PKD2L2: variants seen among roughly 807,000 people sequenced by gnomAD.
The protein encoded by PKD2L2 is polycystin-2-like protein 2.
A neutral mutation model predicts 83.9 loss-of-function variants in PKD2L2; 67 were observed. That is an observed-to-expected ratio of 0.80 (90% CI 0.66 to 0.98). The LOEUF (loss-of-function observed/expected upper bound fraction) is 0.98, where lower values mean the gene tolerates loss of function less well. Ranked by LOEUF, PKD2L2 falls within the 50% of genes least tolerant of loss-of-function variation. The probability of loss-of-function intolerance (pLI) is 0.00; values close to 1 mark genes in which losing one functional copy is unlikely to be tolerated. For synonymous variants in PKD2L2, 223 were observed against 237.8 expected (o/e 0.94, Z 0.57); for missense variants, 632 against 717.2 (o/e 0.88, Z 1.36).
chr5:137,938,816 T>C (rs370275680), intron 14 of PKD2L2: 4 of 152,690 alleles, frequency 2.6e-5, no homozygotes, highest in African/African-American at 9.6e-5. Context: ...CATTTTTATA[T>C]GGAATAAATT....
intron 10 of PKD2L2, among the ~76,000 whole-genome samples, chr5:137,924,130 T>C (rs927656467): frequency 6.6e-6 from 1 of 152,226 alleles, no homozygotes; most frequent in African/African-American, 2.4e-5. Flanking sequence ...CAGCCTTCAC[T>C]ATGGTAACAT....
chr5:137,926,736 C>A (rs1462719752), intron 12 of PKD2L2, among the ~76,000 whole-genome samples: 1 of 152,216 alleles, frequency 6.6e-6, no homozygotes, highest in Non-Finnish European at 1.5e-5. Flanking sequence ...GAAAGTACAG[C>A]TGCCTCTTGA....
In PKD2L2 at chr5:137,921,606, T is replaced by C. The variant is rs1240964153; in HGVS notation, c.1329-30T>C. The stretch of plus-strand genomic sequence containing the variant: ...GTTGTCATGTATGTACATAAAGGTA[T>C]ATATTTTCTACTGTTTTTCTTTCTT... On this transcript the variant is annotated intron_variant, in intron 8 of 14. Transcript: ENST00000508883. 5 of 1,416,988 alleles carry C rather than the reference T, an allele frequency of 3.5e-6. No homozygotes were observed. In the African/African-American group the frequency reaches 4.3e-5, roughly 12 times the overall value. 87.8% of individuals were successfully genotyped at this position (1,416,988 alleles called of 1,614,324 possible).
chr5:137,923,440 T>TAATGATAG lies in PKD2L2; in HGVS notation c.1477_1478insGAATGATA (p.Thr493ArgfsTer8). The TAATGATAG allele has an allele frequency of 6.7e-7, 1 of 1,496,846 alleles. No individual in the cohort carries two copies. The highest frequency in any genetic ancestry group is 9.3e-7 in the Non-Finnish European group (1 of 1,074,088). The allele number at this position is 1,496,846 out of a possible 1,614,324, so 92.7% of individuals were successfully genotyped here. ...CCTAGAATATGTTCTTGGCAATTAT[T>TAATGATAG]AATGATACCTATTCTGAAGTGAAAG... On this transcript the variant is annotated frameshift_variant, in exon 10 of 15. Coordinates refer to ENST00000508883, the MANE Select transcript of PKD2L2 (RefSeq NM_001300921.2). LOFTEE classifies it high-confidence loss of function.
chr5:137,937,337 G>A (rs909524068), intron 14 of PKD2L2, among the ~76,000 whole-genome samples: 4 of 152,138 alleles, frequency 2.6e-5, no homozygotes, highest in Non-Finnish European at 5.9e-5. Flanking sequence ...TGCATTTAAG[G>A]TTTCCCAAAA....
At chr5:137,934,645 T>TA (rs893659367) in intron 12 of PKD2L2, among the ~76,000 whole-genome samples, 34 of 151,158 alleles carry the variant, frequency 2.2e-4, no homozygotes, top group East Asian at 7.8e-4. Context: ...CCGTCTCTAC[T>TA]AAAAAAAAAT....
chr5:137,915,959 A>G (rs1007332286), intron 8 of PKD2L2, among the ~76,000 whole-genome samples: 1 of 148,622 alleles, frequency 6.7e-6, no homozygotes, highest in Non-Finnish European at 1.5e-5. Context: ...GTGATAATAA[A>G]CTCCTTCAGT....
Position 137,942,416 on chromosome 5 carries a change from A to G in PKD2L2, c.*50A>G. On this transcript the variant is annotated 3_prime_UTR_variant, in exon 15 of 15. Coordinates refer to ENST00000508883, the MANE Select transcript of PKD2L2 (RefSeq NM_001300921.2). ...GTCTCACTCTGTCGCCCAGGCTGGA[A>G]CAGCGGTGCGACAGTGGCCTCAACA... 4.3e-6 allele frequency: 1 copy of G among 230,862 alleles called. No homozygotes were observed. The allele number at this position is 230,862 out of a possible 1,614,324, so 14.3% of individuals were successfully genotyped here.
At chr5:137,890,985 G>A (rs1233390739) in intron 2 of PKD2L2, among the ~76,000 whole-genome samples, 1 of 152,178 alleles carries the variant, frequency 6.6e-6, no homozygotes, top group African/African-American at 2.4e-5. Context: ...TCATCTTGGT[G>A]TCTGCCATTA....
In PKD2L2 at chr5:137,941,796, C is replaced by T. The variant is rs1761932187; in HGVS notation, c.*18-588C>T. 4.6e-6 allele frequency: 3 copies of T among 646,154 alleles called. No individual in the cohort carries two copies. In the South Asian group the frequency reaches 5.9e-5, roughly 13 times the overall value. 40.0% of individuals were successfully genotyped at this position (646,154 alleles called of 1,614,324 possible). On this transcript the variant is annotated intron_variant, in intron 14 of 14. Coordinates refer to ENST00000508883, the MANE Select transcript of PKD2L2 (RefSeq NM_001300921.2). The stretch of plus-strand genomic sequence containing the variant: ...TATTCCTGGCCATTAAAAGCAGGGC[C>T]TCAGAGCATAAAGGAATGTTTTAAA...
chr5:137,937,799 T>C (rs1203773430), intron 14 of PKD2L2, among the ~76,000 whole-genome samples: 1 of 152,166 alleles, frequency 6.6e-6, no homozygotes, highest in African/African-American at 2.4e-5. Flanking sequence ...TGTCTTACCA[T>C]TTCCCAGAGT....
intron 4 of PKD2L2, among the ~76,000 whole-genome samples, chr5:137,897,033 ATATTAT>A (rs10536140): frequency 0.33 from 45,340 of 136,684 alleles, 7,717 homozygotes; most frequent in East Asian, 0.52. Context: ...ATACATTATT[ATATTAT>A]TATTATTATT....
intron 7 of PKD2L2, 50 bp downstream of exon 7, chr5:137,907,962 T>A: frequency 1.2e-6 from 1 of 806,894 alleles, no homozygotes; most frequent in Admixed American, 3.5e-5. Context: ...AATAGCATAA[T>A]GAAAAATTAA....
chr5:137,912,785 ATTAT>A (rs767564541), intron 8 of PKD2L2, among the ~76,000 whole-genome samples: 1 of 134,564 alleles, frequency 7.4e-6, no homozygotes, highest in Non-Finnish European at 1.6e-5. Flanking sequence ...TTTAAATTGG[ATTAT>A]TTGTTTTCTT....
Position 137,906,430 on chromosome 5 carries a change from TG to T in PKD2L2, c.972del (p.Leu324PhefsTer26). The T allele has an allele frequency of 6.5e-7, 1 of 1,534,068 alleles. No homozygotes were observed. The part of the protein sequence containing the change: ...SIWNWLELLL[L>X]LLCFVAVSFN... ...TGGAACTGGCTAGAATTGCTACTTT[TG>T]CTGGTGAGTATATATTCATGTGTAT... On this transcript the variant is annotated frameshift_variant, in exon 6 of 15. Transcript: ENST00000508883. LOFTEE classifies it high-confidence loss of function.
intron 11 of PKD2L2, among the ~76,000 whole-genome samples, chr5:137,925,586 C>T (rs758757262): frequency 2.2e-4 from 34 of 152,302 alleles, no homozygotes; most frequent in African/African-American, 6.5e-4. Flanking sequence ...ACAATACTTA[C>T]GGACAATACT....
At chr5:137,895,472 TAAAA>T (rs756004179) in intron 4 of PKD2L2, among the ~76,000 whole-genome samples, 1 of 65,854 alleles carries the variant, frequency 1.5e-5, no homozygotes, top group Non-Finnish European at 3.1e-5. Flanking sequence ...ACCTTGTCCC[TAAAA>T]AAAAAAAAAA....
Position 137,940,377 on chromosome 5 carries a change from T to G in PKD2L2, c.*18-2007T>G, listed in dbSNP as rs747825480. The G allele has an allele frequency of 3.3e-6, 5 of 1,528,648 alleles. No homozygotes were observed. The East Asian group carries it at 9.0e-5, about 28-fold the overall frequency. 94.7% of individuals were successfully genotyped at this position (1,528,648 alleles called of 1,614,324 possible). On this transcript the variant is annotated intron_variant, in intron 14 of 14. Transcript: ENST00000508883. Reference sequence around the variant, plus strand: ...GGGGAGAAAATAAAATTTGTAATGTTCTAGAGATCATTTGGAAAAAAAGAT... The same window carrying G: ...GGGGAGAAAATAAAATTTGTAATGTGCTAGAGATCATTTGGAAAAAAAGAT...
In PKD2L2 at chr5:137,890,510, A is replaced by G. The variant is rs1376934096; in HGVS notation, c.61A>G (p.Lys21Glu). 6.3e-7 allele frequency: 1 copy of G among 1,589,358 alleles called. No individual in the cohort carries two copies. Among genetic ancestry groups the G allele is most frequent in the South Asian group, 1.2e-5 (1 of 84,806 alleles). Residue 21 changes from lysine to glutamate, a missense_variant, in exon 2 of 15, where the codon AAG (lysine) becomes GAG (glutamate). Lys to Glu is a moderately conservative substitution (Grantham distance 56, BLOSUM62 1). This residue lies in a region of PKD2L2 where 229 missense variants were observed against 281.5 expected (regional missense o/e 0.81). Transcript: ENST00000508883. Reference protein sequence around the residue: ...GASKHKLHYRKEVEITTTLQE... With the variant: ...GASKHKLHYREEVEITTTLQE... ...TTCGAAACATAAGTTGCATTACAGAAAGGAAGTAGAAATTACAACCACACT... is the reference window on the plus strand; with the variant it reads ...TTCGAAACATAAGTTGCATTACAGAGAGGAAGTAGAAATTACAACCACACT...
Sources: allele counts gnomAD v4.1 joint callset (sites outside exome capture counted in the v4.1 genomes callset), GRCh38; gene constraint gnomAD v4.1.1; regional missense constraint gnomAD v4.1.1; transcripts MANE v1.5; gene names NCBI Gene and HGNC (gene_info 2026-07-23, HGNC 2026-07-21).